Variants in DNM2 observed in about 807,000 individuals in gnomAD.
The protein encoded by DNM2 is dynamin 2, also known as dynamin-2.
Under a neutral mutation model 99.0 loss-of-function variants are expected in DNM2, and 15 were observed. The ratio of observed to expected loss-of-function variants is 0.15; its 90% CI spans 0.10 to 0.23. DNM2 has a LOEUF of 0.23. DNM2 is among the 10% of genes least tolerant of loss of function. The pLI is 1.00. For missense variants in DNM2, 742 were observed against 1,189.4 expected (o/e 0.62, Z 5.53); for synonymous variants, 525 against 481.2 (o/e 1.09, Z -1.19).
chr19:10,752,897 T>C (rs541063578), intron 1 of DNM2, among the ~76,000 whole-genome samples: 1 of 152,238 alleles, frequency 6.6e-6, no homozygotes, highest in East Asian at 1.9e-4. Context: ...TCCCAGCACT[T>C]TGGACTCCAT....
chr19:10,725,819 T>A (rs2069095762), intron 1 of DNM2, among the ~76,000 whole-genome samples: 1 of 152,112 alleles, frequency 6.6e-6, no homozygotes, highest in South Asian at 2.1e-4. Flanking sequence ...AGTGGCGTAA[T>A]CATGGCTCAC....
intron 1 of DNM2, among the ~76,000 whole-genome samples, chr19:10,729,164 CAA>C (rs919370114): frequency 2.9e-4 from 13 of 44,426 alleles, no homozygotes; most frequent in Non-Finnish European, 4.9e-4. Flanking sequence ...GACTCCGTCT[CAA>C]AAAAAAAAAA....
rs933271294 is a variant in DNM2 at position 10,824,141 on chromosome 19, GTTCTC to G, written c.1893+250_1893+254del. ...CAGGGGATGGGGTCCCACTTGCTTT[GTTCTC>G]TTCTCTTTTCCCCTTCCATCCTGAG... On this transcript the variant is annotated intron_variant, in intron 17 of 20. Transcript: ENST00000389253. 4.2e-5 allele frequency: 23 copies of G among 548,406 alleles called. No homozygotes were observed. In the Admixed American group the frequency reaches 7.1e-4, roughly 17 times the overall value. The allele number at this position is 548,406 out of a possible 1,614,324, so 34.0% of individuals were successfully genotyped here. A position where few individuals can be genotyped will look rare whatever the true frequency, so the allele number is the denominator to read the frequency against.
rs1453024573 is a variant in DNM2, at chr19:10,765,732, T to C, written c.235+5921T>C. Reference sequence around the variant, plus strand: ...TCCTGCATGAGTGGATCCTGCCTGCTGGCGTGGTAGCTAGGGTCTCCTGAT... The same window carrying C: ...TCCTGCATGAGTGGATCCTGCCTGCCGGCGTGGTAGCTAGGGTCTCCTGAT... On this transcript the variant is annotated intron_variant, in intron 2 of 20. Coordinates refer to ENST00000389253, the MANE Select transcript of DNM2 (RefSeq NM_001005361.3). The surrounding 1 kb of genome is among the most constrained non-coding windows in gnomAD (Gnocchi z 4.4). Among the ~76,000 whole-genome samples the C allele has an allele frequency of 1.3e-5, 2 of 152,220 alleles. No individual in the cohort carries two copies. The highest frequency in any genetic ancestry group is 4.8e-5 in the African/African-American group (2 of 41,446).
rs149559947 is a variant in DNM2, at chr19:10,726,849, C to T, written c.161+8446C>T. 1.2e-3 allele frequency among the ~76,000 whole-genome samples: 188 copies of T among 152,168 alleles called. 2 individuals carry two copies. Among genetic ancestry groups the T allele is most frequent in the African/African-American group, 4.3e-3 (179 of 41,530 alleles). On this transcript the variant is annotated intron_variant, in intron 1 of 20. Coordinates refer to ENST00000389253, the MANE Select transcript of DNM2 (RefSeq NM_001005361.3). Reference sequence around the variant, plus strand: ...CTGCACTCCAGCCTGGGCAACAGAGCGAGACTCTGTCTCAAAACAAACAAA... The same window carrying T: ...CTGCACTCCAGCCTGGGCAACAGAGTGAGACTCTGTCTCAAAACAAACAAA...
rs367755333 is a variant in DNM2 at position 10,829,309 on chromosome 19, G to A, written c.2291+41G>A. The A allele has an allele frequency of 8.1e-6, 13 of 1,601,186 alleles. No homozygotes were observed. In the African/African-American group the frequency reaches 1.5e-4, roughly 18 times the overall value. ...TCCCCTACCCTCAAGCATTCGGCCT[G>A]CAGGTTCCTGCCCTCCCTGTGTGTC... On this transcript the variant is annotated intron_variant, in intron 19 of 20. Transcript: ENST00000389253.
intron 1 of DNM2, among the ~76,000 whole-genome samples, chr19:10,742,206 C>G (rs777293728): frequency 4.6e-5 from 7 of 152,064 alleles, no homozygotes; most frequent in Non-Finnish European, 1.0e-4. Flanking sequence ...CTGCTATGCT[C>G]AGGGTGGATA....
At chr19:10,769,290 G>C (rs2070899492) in intron 2 of DNM2, 1 of 152,384 alleles carries the variant, frequency 6.6e-6, no homozygotes, top group African/African-American at 2.4e-5. Context: ...CGTGCTGCCA[G>C]TACATGCTGG....
chr19:10,734,420 G>T (rs2069446739), intron 1 of DNM2, among the ~76,000 whole-genome samples: 1 of 150,940 alleles, frequency 6.6e-6, no homozygotes, highest in Admixed American at 6.6e-5. Flanking sequence ...AGGCTAGATT[G>T]CTTGAGCCCA....
chr19:10,763,167 C>G (rs2070690402), intron 2 of DNM2: 1 of 152,860 alleles, frequency 6.5e-6, no homozygotes, highest in African/African-American at 2.4e-5. Context: ...CCTCCACCTC[C>G]CAGGTTCAAG....
rs1410046642 is a variant in DNM2, at chr19:10,797,653, GC to G, written c.1335+137del. Reference sequence around the variant, plus strand: ...CTACCAGTTGTCACTTAGAGATGTCGCCACCTTGCATTGGCAGATGGAATGG... The same window carrying G: ...CTACCAGTTGTCACTTAGAGATGTCGCACCTTGCATTGGCAGATGGAATGG... On this transcript the variant is annotated intron_variant, in intron 10 of 20. Coordinates refer to ENST00000389253, the MANE Select transcript of DNM2 (RefSeq NM_001005361.3). 6.5e-6 allele frequency: 9 copies of G among 1,379,128 alleles called. No homozygotes were observed. The East Asian group carries it at 2.1e-4, about 32-fold the overall frequency. The allele number at this position is 1,379,128 out of a possible 1,614,324, so 85.4% of individuals were successfully genotyped here.
chr19:10,801,501 C>A (rs2072140855), intron 11 of DNM2, among the ~76,000 whole-genome samples: 1 of 151,566 alleles, frequency 6.6e-6, no homozygotes, highest in Non-Finnish European at 1.5e-5. Flanking sequence ...TGCCTGCGAC[C>A]CCAGCATCTT....
In DNM2 at chr19:10,830,473, C is replaced by A; in HGVS notation, c.2543+95C>A. The A allele has an allele frequency of 1.4e-6, 2 of 1,397,690 alleles. No homozygotes were observed. Among genetic ancestry groups the A allele is most frequent in the South Asian group, 1.2e-5 (1 of 80,590 alleles). The allele number at this position is 1,397,690 out of a possible 1,614,324, so 86.6% of individuals were successfully genotyped here. Reference sequence around the variant, plus strand: ...TCCCAGTGAGCTCTCACTACGTGCCCAGCTGCTGGAGTGGAGGAATCGTCC... The same window carrying A: ...TCCCAGTGAGCTCTCACTACGTGCCAAGCTGCTGGAGTGGAGGAATCGTCC... On this transcript the variant is annotated intron_variant, in intron 20 of 20. Coordinates refer to ENST00000389253, the MANE Select transcript of DNM2 (RefSeq NM_001005361.3). The surrounding 1 kb of genome is among the most constrained non-coding windows in gnomAD (Gnocchi z 4.8).
rs1395304196 is a variant in DNM2 at position 10,830,092 on chromosome 19, TG to T, written c.2292-34del. On this transcript the variant is annotated intron_variant, in intron 19 of 20. Transcript: ENST00000389253. This position sits in a 1 kb window ranked among gnomAD's most constrained non-coding sequence, Gnocchi z 4.8. ...GCATGGCGGGGGCTCCTACTCCATCTGTATCTGTAGCTCACACCCTCTCCTT... is the reference window on the plus strand; with the variant it reads ...GCATGGCGGGGGCTCCTACTCCATCTTATCTGTAGCTCACACCCTCTCCTT... The T allele has an allele frequency of 6.2e-7, 1 of 1,613,580 alleles. No homozygotes were observed. Among genetic ancestry groups the T allele is most frequent in the Non-Finnish European group, 8.5e-7 (1 of 1,179,732 alleles).
At position 10,767,332 on chromosome 19, in the gene DNM2, T is replaced by A. The variant is rs534473076; in HGVS notation, c.236-5147T>A. On this transcript the variant is annotated intron_variant, in intron 2 of 20. Coordinates refer to ENST00000389253, the MANE Select transcript of DNM2 (RefSeq NM_001005361.3). ...TTTTTGTCATTGTTTTGAGACAGGG[T>A]CTCTGGCCTCCCCTTGTCATCCAGG... Among the ~76,000 whole-genome samples, 8 of 152,194 alleles carry A rather than the reference T, an allele frequency of 5.3e-5. No homozygotes were observed. In the East Asian group the frequency reaches 1.4e-3, roughly 26 times the overall value.
intron 16 of DNM2, chr19:10,823,565 G>A (rs1209948998): frequency 3.6e-6 from 2 of 561,274 alleles, no homozygotes; most frequent in Non-Finnish European, 6.4e-6. Context: ...AGAGTCAGCT[G>A]ATCCAACAGA....
At chr19:10,739,861 CAAAAAAAAAAAA>C (rs59755624) in intron 1 of DNM2, among the ~76,000 whole-genome samples, 3 of 32,656 alleles carry the variant, frequency 9.2e-5, no homozygotes, top group African/African-American at 1.2e-4. Flanking sequence ...CTCTCTCTCT[CAAAAAAAAAAAA>C]AAAAAAAAAA....
At chr19:10,780,958 T>C in intron 5 of DNM2, among the ~76,000 whole-genome samples, 1 of 147,054 alleles carries the variant, frequency 6.8e-6, no homozygotes, top group Admixed American at 7.0e-5. Context: ...GCAGAGGTTG[T>C]AGTGAGCTGA....
Position 10,795,991 on chromosome 19 carries a change from A to C in DNM2, c.1196+552A>C, listed in dbSNP as rs184043240. On this transcript the variant is annotated intron_variant, in intron 9 of 20. Coordinates refer to ENST00000389253, the MANE Select transcript of DNM2 (RefSeq NM_001005361.3). This position sits in a 1 kb window ranked among gnomAD's most constrained non-coding sequence, Gnocchi z 4.2. ...CTTGTTGGGGACCCGGCCAGGGCCA[A>C]TGAAATTGCTGACCATGCTTTGTTT... 4.4e-6 allele frequency: 7 copies of C among 1,609,040 alleles called. No individual in the cohort carries two copies. The Admixed American group carries it at 1.2e-4, about 27-fold the overall frequency.
Sources: allele counts gnomAD v4.1 joint callset (sites outside exome capture counted in the v4.1 genomes callset), GRCh38; gene constraint gnomAD v4.1.1; non-coding constraint Gnocchi (gnomAD v3.1); transcripts MANE v1.5; gene names NCBI Gene and HGNC (gene_info 2026-07-23, HGNC 2026-07-21).